Variants in ANKS1B observed in about 807,000 individuals in gnomAD.
The protein encoded by ANKS1B is ankyrin repeat and sterile alpha motif domain-containing protein 1B.
ANKS1B carries 36 observed loss-of-function variants against 148.3 expected under a neutral mutation model. That is an observed-to-expected ratio of 0.24 (90% CI 0.19 to 0.32). The LOEUF is 0.32. ANKS1B is among the 10% of genes least tolerant of loss of function. The pLI is 1.00. For synonymous variants in ANKS1B, 542 were observed against 560.8 expected (o/e 0.97, Z 0.47); for missense variants, 1,157 against 1,542.6 (o/e 0.75, Z 4.19).
At chr12:98,787,536 G>A (rs978778766) in intron 22 of ANKS1B, among the ~76,000 whole-genome samples, 1 of 152,164 alleles carries the variant, frequency 6.6e-6, no homozygotes, top group Non-Finnish European at 1.5e-5. Context: ...CAGTTTCATA[G>A]GATTCGATCT....
Position 98,745,818 on chromosome 12 carries a change from G to A in ANKS1B, c.3779C>T (p.Ala1260Val). Residue 1260 changes from alanine (A) to valine (V), a missense_variant, in exon 27 of 27, where the codon GCC (alanine) becomes GTC (valine). Around this residue, in one of 6 missense-constraint regions of ANKS1B, gnomAD observed 46 missense variants for 62.0 expected, o/e 0.74. Transcript: ENST00000683438. ...QIDPSEQKTL[A>V]NLPWIVEPGQ... ...CGGCTCCACAATCCACGGTAGATTG[G>A]CCAGAGTCTTTTGCTCAGATGGGTC... 1.2e-6 allele frequency: 2 copies of A among 1,613,534 alleles called. No homozygotes were observed.
intron 15 of ANKS1B, among the ~76,000 whole-genome samples, chr12:99,129,888 A>C (rs2065601172): frequency 6.6e-6 from 1 of 152,220 alleles, no homozygotes; most frequent in Non-Finnish European, 1.5e-5. Context: ...ATAAGTTTAA[A>C]ACATTTTAAA....
chr12:99,053,303 G>C lies in ANKS1B; in HGVS notation c.2632C>G (p.Pro878Ala). 5 of 1,600,362 alleles carry C rather than the reference G, an allele frequency of 3.1e-6. No homozygotes were observed. The highest frequency in any genetic ancestry group is 1.3e-5 in the African/African-American group (1 of 74,408). The change falls in exon 17 of 27, where the codon CCC becomes GCC. Residue 878 changes from proline (P) to alanine (A), a missense_variant. Around this residue, in one of 6 missense-constraint regions of ANKS1B, gnomAD observed 258 missense variants for 497.0 expected, o/e 0.52. Transcript: ENST00000683438. Reference protein sequence around the residue: ...QAIQLLPKMRPIGHDGYHPTS... With the variant: ...QAIQLLPKMRAIGHDGYHPTS... ...GGATGGTAGCCATCATGCCCAATGG[G>C]TCTCATCTGTAATAAAGAAAATTAC...
chr12:99,979,727 C>T (rs2095670693), intron 1 of ANKS1B, among the ~76,000 whole-genome samples: 1 of 152,052 alleles, frequency 6.6e-6, no homozygotes, highest in Non-Finnish European at 1.5e-5. Flanking sequence ...GAATGCCATA[C>T]ACTTAAATAC....
At chr12:99,561,592 T>C (rs2097336462) in intron 9 of ANKS1B, among the ~76,000 whole-genome samples, 1 of 152,120 alleles carries the variant, frequency 6.6e-6, no homozygotes, top group East Asian at 1.9e-4. Context: ...AGGAGTTGAT[T>C]TTGTCTCAAG....
Position 99,055,490 on chromosome 12 carries a change from G to A in ANKS1B, c.2626-2181C>T, listed in dbSNP as rs145092408. 1.8e-3 allele frequency among the ~76,000 whole-genome samples: 281 copies of A among 152,298 alleles called. 8 individuals carry two copies. In the South Asian group the frequency reaches 0.045, roughly 25 times the overall value. On this transcript the variant is annotated intron_variant, in intron 16 of 26. Coordinates refer to ENST00000683438, the MANE Select transcript of ANKS1B (RefSeq NM_001352186.2). ...TGGGGTTACCACAGGTTACCCCCAAGCACTTACACAACACTCTTTTGAGGA... is the reference window on the plus strand; with the variant it reads ...TGGGGTTACCACAGGTTACCCCCAAACACTTACACAACACTCTTTTGAGGA...
chr12:99,112,598 T>C (rs1450568291), intron 15 of ANKS1B, among the ~76,000 whole-genome samples: 1 of 152,130 alleles, frequency 6.6e-6, no homozygotes, highest in African/African-American at 2.4e-5. Flanking sequence ...TATGGATCTG[T>C]TATGTATCAG....
intron 12 of ANKS1B, among the ~76,000 whole-genome samples, chr12:99,334,124 C>T (rs2088220389): frequency 6.7e-6 from 1 of 149,654 alleles, no homozygotes; most frequent in African/African-American, 2.5e-5. Context: ...CCATTTGCTC[C>T]TCTAAATAGA....
chr12:99,334,122 T>C (rs1434038563), intron 12 of ANKS1B, among the ~76,000 whole-genome samples: 1 of 150,570 alleles, frequency 6.6e-6, no homozygotes, highest in Admixed American at 6.6e-5. Context: ...AGCCATTTGC[T>C]CCTCTAAATA....
At chr12:99,606,198 T>C (rs575187005) in intron 9 of ANKS1B, among the ~76,000 whole-genome samples, 6 of 152,158 alleles carry the variant, frequency 3.9e-5, no homozygotes, top group Admixed American at 2.0e-4. Flanking sequence ...GCTTTTTTCC[T>C]ATTGAGTTGT....
intron 10 of ANKS1B, among the ~76,000 whole-genome samples, chr12:99,455,812 C>T (rs1340918464): frequency 2.0e-5 from 3 of 152,110 alleles, no homozygotes; most frequent in African/African-American, 7.2e-5. Context: ...CCTGTCCCCA[C>T]TTGATGGTTA....
intron 17 of ANKS1B, among the ~76,000 whole-genome samples, chr12:99,043,006 A>G (rs2099960074): frequency 1.3e-5 from 2 of 152,166 alleles, no homozygotes; most frequent in African/African-American, 4.8e-5. Flanking sequence ...CCACTTTCAT[A>G]CTGGGTTTAC....
chr12:99,117,280 T>C (rs914108629), intron 15 of ANKS1B, among the ~76,000 whole-genome samples: 17 of 152,172 alleles, frequency 1.1e-4, no homozygotes, highest in Non-Finnish European at 2.5e-4. Flanking sequence ...TTGTGCCCAT[T>C]TTCTAAGGGA....
At chr12:99,411,805 G>T (rs1253166497) in intron 11 of ANKS1B, among the ~76,000 whole-genome samples, 1 of 151,968 alleles carries the variant, frequency 6.6e-6, no homozygotes, top group Non-Finnish European at 1.5e-5. Context: ...TTACTGTATG[G>T]CTTCTATTTC....
At chr12:98,887,707 A>C (rs1454768289) in intron 17 of ANKS1B, among the ~76,000 whole-genome samples, 1 of 151,894 alleles carries the variant, frequency 6.6e-6, no homozygotes, top group Non-Finnish European at 1.5e-5. Flanking sequence ...TCCTGGGTTC[A>C]TGAGATTCTC....
intron 1 of ANKS1B, among the ~76,000 whole-genome samples, chr12:99,953,379 G>A (rs2095260923): frequency 6.6e-6 from 1 of 152,192 alleles, no homozygotes; most frequent in Admixed American, 6.5e-5. Flanking sequence ...TGATTAGGAA[G>A]ATGATGGTGA....
chr12:99,166,300 A>T (rs1390906167), intron 14 of ANKS1B, among the ~76,000 whole-genome samples: 1 of 151,872 alleles, frequency 6.6e-6, no homozygotes, highest in East Asian at 1.9e-4. Context: ...AATAAAATGC[A>T]TTCATATTGG....
chr12:98,902,849 G>A (rs1238870908), intron 17 of ANKS1B, among the ~76,000 whole-genome samples: 1 of 152,172 alleles, frequency 6.6e-6, no homozygotes, highest in Non-Finnish European at 1.5e-5. Context: ...GAATCAAGAA[G>A]TTATTCCAGC....
intron 12 of ANKS1B, among the ~76,000 whole-genome samples, chr12:99,277,721 G>T (rs1330437752): frequency 6.6e-6 from 1 of 152,136 alleles, no homozygotes. Context: ...CTTTTGAACT[G>T]GTATGAGTCA....
Sources: gnomAD v4.1 joint callset for allele counts (sites outside exome capture counted in the v4.1 genomes callset) on GRCh38, gnomAD v4.1.1 for gene constraint, gnomAD v4.1.1 regional missense constraint, MANE v1.5 for transcripts, NCBI Gene and HGNC (gene_info 2026-07-23, HGNC 2026-07-21) for gene names.